SMC5: variants seen among roughly 807,000 people sequenced by gnomAD.
SMC5 encodes the protein structural maintenance of chromosomes protein 5.
SMC5 carries 88 observed loss-of-function variants against 148.3 expected under a neutral mutation model. The observed-to-expected ratio is 0.59, with a 90% CI of 0.50 to 0.71. SMC5 has a LOEUF of 0.71. Among genes scored for constraint, SMC5 ranks in the 30% least tolerant of loss-of-function variants. SMC5 has a pLI of 0.00. For missense variants in SMC5, 1,142 were observed against 1,298.9 expected (o/e 0.88, Z 1.86); for synonymous variants, 421 against 432.8 (o/e 0.97, Z 0.34).
chr9:70,313,708 C>T (rs1419031917), intron 11 of SMC5, among the ~76,000 whole-genome samples: 1 of 152,078 alleles, frequency 6.6e-6, no homozygotes, highest in African/African-American at 2.4e-5. Context: ...CCATGTTGGT[C>T]GGGCTGGTCT....
intron 3 of SMC5, among the ~76,000 whole-genome samples, chr9:70,271,407 A>T (rs1038362804): frequency 2.6e-5 from 4 of 152,222 alleles, no homozygotes; most frequent in Non-Finnish European, 4.4e-5. Flanking sequence ...GCTCATCATT[A>T]GTTGTTGAAA....
intron 17 of SMC5, among the ~76,000 whole-genome samples, chr9:70,330,165 TAA>T (rs1265941609): frequency 6.6e-6 from 1 of 152,190 alleles, no homozygotes; most frequent in Non-Finnish European, 1.5e-5. Context: ...AATTGCAGTC[TAA>T]GTCGCTAAAA....
chr9:70,302,488 T>G, intron 10 of SMC5, among the ~76,000 whole-genome samples: 1 of 141,456 alleles, frequency 7.1e-6, no homozygotes, highest in African/African-American at 2.7e-5. Flanking sequence ...CTAGACTCCG[T>G]CTCAAGAAAA....
intron 8 of SMC5, among the ~76,000 whole-genome samples, chr9:70,290,077 T>C (rs2035018108): frequency 6.6e-6 from 1 of 152,134 alleles, no homozygotes; most frequent in South Asian, 2.1e-4. Flanking sequence ...TTCAAAGGTC[T>C]TAAAAAATTT....
chr9:70,262,349 C>T (rs1434072847), intron 1 of SMC5, among the ~76,000 whole-genome samples: 2 of 152,130 alleles, frequency 1.3e-5, no homozygotes, highest in East Asian at 1.9e-4. Context: ...AGATGAAACT[C>T]GGCTGTGATG....
intron 4 of SMC5, among the ~76,000 whole-genome samples, chr9:70,278,209 T>C (rs1366851051): frequency 6.6e-6 from 1 of 152,128 alleles, no homozygotes; most frequent in East Asian, 1.9e-4. Context: ...CATTTTCATC[T>C]TGGGACTATG....
At chr9:70,328,741 A>T (rs558510616) in intron 17 of SMC5, among the ~76,000 whole-genome samples, 2 of 151,974 alleles carry the variant, frequency 1.3e-5, no homozygotes, top group East Asian at 3.9e-4. Flanking sequence ...CCCAGTGGGG[A>T]CTCTGTGTAG....
chr9:70,348,017 T>C lies in SMC5; in HGVS notation c.2868T>C (p.Val956=), dbSNP rs770306084. Residue 956 remains valine, a synonymous_variant, in exon 22 of 25, where the codon GTT becomes GTC. Transcript: ENST00000361138. ...GTTCCATGCAGTGTGCTGGTGAAGTTGATCTCCATACAGAAAATGAGGTAA... is the reference window on the plus strand; with the variant it reads ...GTTCCATGCAGTGTGCTGGTGAAGTCGATCTCCATACAGAAAATGAGGTAA... ...FFSSMQCAGE[V]DLHTENEEDY... 6.3e-7 allele frequency: 1 copy of C among 1,587,874 alleles called. No homozygotes were observed. Among genetic ancestry groups the C allele is most frequent in the South Asian group, 1.2e-5 (1 of 84,576 alleles).
At chr9:70,313,765 G>T (rs1369287243) in intron 11 of SMC5, among the ~76,000 whole-genome samples, 1 of 152,108 alleles carries the variant, frequency 6.6e-6, no homozygotes, top group African/African-American at 2.4e-5. Flanking sequence ...CTCCCAAAGT[G>T]CTGCGATTAC....
rs1282775906 is a variant in SMC5 at position 70,350,129 on chromosome 9, T to TA, written c.2906dup (p.Tyr969Ter). ...HTENEEDYDK[Y>*]GIRIRVKFRS... is the part of the protein sequence containing the mutation. ...TGTTTTATAGGAAGATTATGATAAA[T>TA]ATGGAATTCGAATTAGAGTCAAATT... The change falls in exon 23 of 25, where the codon TAT becomes TAAT. Residue 969 changes from tyrosine to a stop codon, truncating the protein, a stop_gained and frameshift_variant. Coordinates refer to ENST00000361138, the MANE Select transcript of SMC5 (RefSeq NM_015110.4). LOFTEE classifies it high-confidence loss of function. The TA allele has an allele frequency of 6.2e-7, 1 of 1,604,624 alleles. No homozygotes were observed. Among genetic ancestry groups the TA allele is most frequent in the Non-Finnish European group, 8.5e-7 (1 of 1,175,258 alleles).
In SMC5 at chr9:70,289,438, G is replaced by A. The variant is rs374433449; in HGVS notation, c.1053+3167G>A. On this transcript the variant is annotated intron_variant, in intron 8 of 24. Transcript: ENST00000361138. ...CAGTTTTTGCTTCCTAGATTTTAAA[G>A]CTTTCTTATTTTGTTTTTATTTCTG... Among the ~76,000 whole-genome samples, 87 of 152,058 alleles carry A rather than the reference G, an allele frequency of 5.7e-4. 2 individuals are homozygous for A. The South Asian group carries it at 0.017, about 30-fold the overall frequency.
At chr9:70,278,711 C>A in intron 5 of SMC5, 86 bp downstream of exon 5, 3 of 1,317,648 alleles carry the variant, frequency 2.3e-6, no homozygotes, top group South Asian at 3.2e-5. Context: ...AGTATTGATT[C>A]ATTGAGTGAA....
intron 8 of SMC5, among the ~76,000 whole-genome samples, chr9:70,289,629 T>C (rs562116368): frequency 6.6e-6 from 1 of 152,140 alleles, no homozygotes; most frequent in South Asian, 2.1e-4. Context: ...TCCTCCTCTC[T>C]TTCTATTTTC....
At position 70,344,233 on chromosome 9, in the gene SMC5, G is replaced by T; in HGVS notation, c.2487G>T (p.Leu829=). ...AAAGAGCTAGGCAAGTATGTAACCT[G>T]GGTGCAGAGCAGACTCTTCCTCAAG... ...LMKRARQVCN[L]GAEQTLPQEY... is the part of the protein sequence containing the mutation. Residue 829 remains leucine (L), a synonymous_variant, in exon 18 of 25, where the codon CTG becomes CTT. Transcript: ENST00000361138. 5 of 1,543,566 alleles carry T rather than the reference G, an allele frequency of 3.2e-6. No homozygotes were observed. The highest frequency in any genetic ancestry group is 4.4e-6 in the Non-Finnish European group (5 of 1,142,708).
intron 2 of SMC5, among the ~76,000 whole-genome samples, chr9:70,265,179 A>G (rs1236585423): frequency 6.6e-6 from 1 of 152,204 alleles, no homozygotes; most frequent in Non-Finnish European, 1.5e-5. Flanking sequence ...GAGATCATTA[A>G]AAATGACAAA....
At chr9:70,286,170 T>TGGGG in intron 7 of SMC5, 30 bp from the exon 8 acceptor site, 2 of 1,397,192 alleles carry the variant, frequency 1.4e-6, no homozygotes, top group Non-Finnish European at 2.0e-6. Context: ...TAACTAGCTG[T>TGGGG]CCCCCCCTCT....
chr9:70,287,642 C>A (rs1489168549), intron 8 of SMC5, among the ~76,000 whole-genome samples: 3 of 152,150 alleles, frequency 2.0e-5, no homozygotes, highest in African/African-American at 7.2e-5. Flanking sequence ...TTTTAAGTCC[C>A]AGGCTGCTCA....
At chr9:70,335,273 T>C (rs948501718) in intron 17 of SMC5, among the ~76,000 whole-genome samples, 27 of 152,142 alleles carry the variant, frequency 1.8e-4, no homozygotes, top group Admixed American at 1.8e-3. Flanking sequence ...AGGAGAATCA[T>C]GCCCAGGAGT....
intron 17 of SMC5, among the ~76,000 whole-genome samples, chr9:70,324,793 T>C (rs2036035157): frequency 6.6e-6 from 1 of 152,150 alleles, no homozygotes; most frequent in African/African-American, 2.4e-5. Flanking sequence ...CAACTCAGAA[T>C]TCGAGAAAGC....
Sources: gnomAD v4.1 joint callset for allele counts (sites outside exome capture counted in the v4.1 genomes callset) on GRCh38, gnomAD v4.1.1 for gene constraint, MANE v1.5 for transcripts, NCBI Gene and HGNC (gene_info 2026-07-23, HGNC 2026-07-21) for gene names.